Variants in KCNU1 observed in about 807,000 individuals in gnomAD.
KCNU1 encodes potassium channel subfamily U member 1.
Under a neutral mutation model 126.8 loss-of-function variants are expected in KCNU1, and 93 were observed. The ratio of observed to expected loss-of-function variants is 0.73; its 90% CI spans 0.62 to 0.87. The LOEUF (loss-of-function observed/expected upper bound fraction) is 0.87. Among genes scored for constraint, KCNU1 ranks in the 40% least tolerant of loss-of-function variants. The probability of loss-of-function intolerance (pLI) is 0.00; values close to 1 mark genes in which losing one functional copy is unlikely to be tolerated. For synonymous variants in KCNU1, 523 were observed against 494.2 expected (o/e 1.06, Z -0.77); for missense variants, 1,330 against 1,367.1 (o/e 0.97, Z 0.43).
At chr8:36,821,115 T>G (rs894922309) in intron 10 of KCNU1, among the ~76,000 whole-genome samples, 1 of 152,078 alleles carries the variant, frequency 6.6e-6, no homozygotes, top group Non-Finnish European at 1.5e-5. Context: ...TGAGCCCAAT[T>G]TAGCACACAC....
intron 24 of KCNU1, among the ~76,000 whole-genome samples, chr8:36,925,322 A>G (rs1405275246): frequency 6.6e-6 from 1 of 152,182 alleles, no homozygotes; most frequent in Non-Finnish European, 1.5e-5. Flanking sequence ...GAATTTGGGC[A>G]GGGACGGCAA....
intron 10 of KCNU1, among the ~76,000 whole-genome samples, chr8:36,830,217 A>C (rs571172555): frequency 6.3e-4 from 95 of 151,528 alleles, no homozygotes; most frequent in African/African-American, 2.2e-3. Context: ...ATTTGTCTGA[A>C]ATAGTATAAT....
chr8:36,837,208 G>A (rs1804783753), intron 14 of KCNU1, among the ~76,000 whole-genome samples: 1 of 151,952 alleles, frequency 6.6e-6, no homozygotes, highest in South Asian at 2.1e-4. Flanking sequence ...CCTACCTACA[G>A]TCCAGGATGT....
chr8:36,896,342 C>T (rs538681957), intron 19 of KCNU1, among the ~76,000 whole-genome samples: 2 of 152,068 alleles, frequency 1.3e-5, no homozygotes, highest in African/African-American at 4.8e-5. Context: ...AGTATCACAT[C>T]AGATGTCTGG....
At position 36,800,119 on chromosome 8, in the gene KCNU1, C is replaced by T. The variant is rs1410316700; in HGVS notation, c.316-3908C>T. On this transcript the variant is annotated intron_variant, in intron 2 of 26. Coordinates refer to ENST00000399881, the MANE Select transcript of KCNU1 (RefSeq NM_001031836.3). ...TTAAAATGCTGAATCGTAACAGATT[C>T]TGTGTTAACTCTTTCATGAAAGTCA... Among the ~76,000 whole-genome samples, 3 of 152,132 alleles carry T rather than the reference C, an allele frequency of 2.0e-5. No individual in the cohort carries two copies. In the South Asian group the frequency reaches 6.2e-4, roughly 32 times the overall value.
chr8:36,869,219 G>A (rs1271584901), intron 19 of KCNU1, among the ~76,000 whole-genome samples: 3 of 152,018 alleles, frequency 2.0e-5, no homozygotes, highest in African/African-American at 7.2e-5. Flanking sequence ...ATATTTAATC[G>A]GTGAAACAAG....
At chr8:36,887,477 T>C (rs1398500528) in intron 19 of KCNU1, among the ~76,000 whole-genome samples, 1 of 136,064 alleles carries the variant, frequency 7.3e-6, no homozygotes, top group Admixed American at 8.1e-5. Flanking sequence ...TTTGGAGAAA[T>C]GAGACATTTA....
chr8:36,788,009 G>T (rs960533057), intron 2 of KCNU1, among the ~76,000 whole-genome samples: 1 of 151,794 alleles, frequency 6.6e-6, no homozygotes, highest in Non-Finnish European at 1.5e-5. Context: ...TGTGCACATA[G>T]ATATTTTCAA....
intron 19 of KCNU1, among the ~76,000 whole-genome samples, chr8:36,898,691 AG>A (rs1483044717): frequency 6.6e-6 from 1 of 152,140 alleles, no homozygotes; most frequent in Non-Finnish European, 1.5e-5. Flanking sequence ...CAATACACAA[AG>A]AAAACCTTAT....
At chr8:36,862,576 C>T (rs1805771220) in intron 18 of KCNU1, among the ~76,000 whole-genome samples, 1 of 152,114 alleles carries the variant, frequency 6.6e-6, no homozygotes, top group Admixed American at 6.6e-5. Flanking sequence ...CACACATGCA[C>T]CTTCTTCCAT....
chr8:36,829,768 T>G (rs1804462176), intron 10 of KCNU1, among the ~76,000 whole-genome samples: 1 of 151,276 alleles, frequency 6.6e-6, no homozygotes, highest in Non-Finnish European at 1.5e-5. Context: ...GTTTATTCAT[T>G]TATTTAGTTC....
At chr8:36,837,466 C>T (rs16885484) in intron 14 of KCNU1, among the ~76,000 whole-genome samples, 2,244 of 152,194 alleles carry the variant, frequency 0.015, 55 homozygotes, top group African/African-American at 0.05. Context: ...TGATGAGTGC[C>T]TACTGTCTTG....
intron 18 of KCNU1, among the ~76,000 whole-genome samples, chr8:36,853,496 T>G (rs866697199): frequency 1.3e-5 from 2 of 152,226 alleles, no homozygotes; most frequent in Non-Finnish European, 2.9e-5. Flanking sequence ...TCTGTTTTCT[T>G]TTTTGTATGT....
At chr8:36,814,056 A>G in intron 7 of KCNU1, 151 bp from the exon 8 acceptor site, 1 of 622,920 alleles carries the variant, frequency 1.6e-6, no homozygotes, top group East Asian at 2.8e-5. Flanking sequence ...AAACTCTTCC[A>G]TTTATGTAAA....
intron 18 of KCNU1, among the ~76,000 whole-genome samples, chr8:36,863,403 A>T (rs1287261026): frequency 6.6e-6 from 1 of 152,114 alleles, no homozygotes; most frequent in Admixed American, 6.6e-5. Flanking sequence ...GGGGAAGAGG[A>T]GTATCAGTGA....
At chr8:36,850,157 T>C (rs1805290408) in intron 18 of KCNU1, among the ~76,000 whole-genome samples, 1 of 152,202 alleles carries the variant, frequency 6.6e-6, no homozygotes, top group African/African-American at 2.4e-5. Flanking sequence ...AATTTGATTA[T>C]TGTCTTTCTA....
intron 19 of KCNU1, among the ~76,000 whole-genome samples, chr8:36,882,546 G>A (rs1370628169): frequency 6.6e-6 from 1 of 152,004 alleles, no homozygotes; most frequent in Non-Finnish European, 1.5e-5. Flanking sequence ...TCACCAAATT[G>A]GCAGCACTGA....
chr8:36,855,190 A>G (rs1365658536), intron 18 of KCNU1, among the ~76,000 whole-genome samples: 2 of 152,082 alleles, frequency 1.3e-5, no homozygotes, highest in African/African-American at 4.8e-5. Flanking sequence ...TGTCATTTAG[A>G]TTTCCAGTAA....
Position 36,889,319 on chromosome 8 carries a change from G to A in KCNU1, c.2010-16389G>A, listed in dbSNP as rs191187330. Reference sequence around the variant, plus strand: ...AAATTAAAAGATGTTAAGAAATTTGGTAATTACTTTGGATCTATCACCTGT... The same window carrying A: ...AAATTAAAAGATGTTAAGAAATTTGATAATTACTTTGGATCTATCACCTGT... On this transcript the variant is annotated intron_variant, in intron 19 of 26. Transcript: ENST00000399881. 303 of 514,330 alleles carry A rather than the reference G, an allele frequency of 5.9e-4. 2 individuals carry two copies. The highest frequency in any genetic ancestry group is 3.9e-3 in the Middle Eastern group (12 of 3,048). The allele number at this position is 514,330 out of a possible 1,614,324, so 31.9% of individuals were successfully genotyped here. A position where few individuals can be genotyped will look rare whatever the true frequency, so the allele number is the denominator to read the frequency against.
Sources: allele counts gnomAD v4.1 joint callset (sites outside exome capture counted in the v4.1 genomes callset), GRCh38; gene constraint gnomAD v4.1.1; transcripts MANE v1.5; gene names NCBI Gene and HGNC (gene_info 2026-07-23, HGNC 2026-07-21).